ASCC3: variants seen among roughly 807,000 people sequenced by gnomAD.
ASCC3 encodes the protein ASC-1 complex subunit P200.
ASCC3 carries 158 observed loss-of-function variants against 256.3 expected under a neutral mutation model. The observed-to-expected ratio is 0.62, with a 90% confidence interval of 0.54 to 0.70. The LOEUF (loss-of-function observed/expected upper bound fraction) is 0.70, where lower values mean the gene tolerates loss of function less well. Among genes scored for constraint, ASCC3 ranks in the 30% least tolerant of loss-of-function variants. The pLI, the probability that ASCC3 is intolerant of heterozygous loss-of-function variation, is 0.00. For synonymous variants in ASCC3, 948 were observed against 883.4 expected (o/e 1.07, Z -1.30); for missense variants, 2,259 against 2,626.0 (o/e 0.86, Z 3.05).
intron 36 of ASCC3, among the ~76,000 whole-genome samples, chr6:100,575,975 CATT>C (rs973226925): frequency 1.3e-5 from 2 of 152,078 alleles, no homozygotes; most frequent in African/African-American, 4.8e-5. Context: ...GTGCCAACAT[CATT>C]AAGAGATTCT....
In ASCC3 at chr6:100,508,261, G is replaced by GAA. The variant is rs1352779237; in HGVS notation, c.*1123_*1124dup. ...ATACAAGCAATACATTCCAATTTCAGAAACACTTAAATTCTAGTATTTGTA... is the reference window on the plus strand; with the variant it reads ...ATACAAGCAATACATTCCAATTTCAGAAAAACACTTAAATTCTAGTATTTGTA... On this transcript the variant is annotated 3_prime_UTR_variant, in exon 42 of 42. Transcript: ENST00000369162. The GAA allele has an allele frequency of 6.6e-6, 1 of 152,108 alleles. No individual in the cohort carries two copies. The highest frequency in any genetic ancestry group is 1.5e-5 in the Non-Finnish European group (1 of 68,002). 9.4% of individuals were successfully genotyped at this position (152,108 alleles called of 1,614,324 possible).
chr6:100,542,556 C>T (rs1411634440), intron 36 of ASCC3, among the ~76,000 whole-genome samples: 1 of 152,024 alleles, frequency 6.6e-6, no homozygotes, highest in East Asian at 1.9e-4. Flanking sequence ...GTGGCACGCA[C>T]CTGTAGTCCC....
intron 7 of ASCC3, 143 bp downstream of exon 7, chr6:100,799,288 A>G (rs1769791827): frequency 4.5e-6 from 4 of 882,722 alleles, no homozygotes; most frequent in Non-Finnish European, 7.1e-6. Context: ...CATACACCAC[A>G]TTATGTCATT....
chr6:100,780,840 T>G (rs1415499203), intron 8 of ASCC3, among the ~76,000 whole-genome samples: 1 of 152,228 alleles, frequency 6.6e-6, no homozygotes, highest in East Asian at 1.9e-4. Context: ...GAGGTTGAAA[T>G]GTCAACCACA....
chr6:100,700,121 T>A (rs1778282007), intron 13 of ASCC3, among the ~76,000 whole-genome samples: 1 of 152,100 alleles, frequency 6.6e-6, no homozygotes, highest in African/African-American at 2.4e-5. Flanking sequence ...GAGACCTTTG[T>A]GGCAGCCCAA....
intron 34 of ASCC3, among the ~76,000 whole-genome samples, chr6:100,601,497 T>C (rs908156662): frequency 6.6e-6 from 1 of 152,100 alleles, no homozygotes; most frequent in African/African-American, 2.4e-5. Flanking sequence ...TCCAACTGCA[T>C]CTAAGTCAGT....
At chr6:100,685,403 A>G (rs754709166) in intron 13 of ASCC3, among the ~76,000 whole-genome samples, 1 of 152,122 alleles carries the variant, frequency 6.6e-6, no homozygotes, top group Non-Finnish European at 1.5e-5. Context: ...ATTAAGCCCT[A>G]AAGACCTACA....
intron 11 of ASCC3, among the ~76,000 whole-genome samples, chr6:100,724,476 C>T (rs1779527445): frequency 6.6e-6 from 1 of 151,642 alleles, no homozygotes; most frequent in Non-Finnish European, 1.5e-5. Context: ...ACAGAAGGGA[C>T]TTTGCAATCC....
In ASCC3 at chr6:100,598,816, C is replaced by A. The variant is rs565995897; in HGVS notation, c.5303+2994G>T. Among the ~76,000 whole-genome samples the A allele has an allele frequency of 3.2e-4, 48 of 152,162 alleles. 1 individual carries two copies. The South Asian group carries it at 9.6e-3, about 30-fold the overall frequency. On this transcript the variant is annotated intron_variant, in intron 34 of 41. Coordinates refer to ENST00000369162, the MANE Select transcript of ASCC3 (RefSeq NM_006828.4). ...ACTAAACCTTATCTAGTTCCCACCC[C>A]CTATATAATACATTTAATTTCTGAT...
chr6:100,671,503 G>A (rs1201951469), intron 14 of ASCC3, among the ~76,000 whole-genome samples: 1 of 152,048 alleles, frequency 6.6e-6, no homozygotes, highest in Non-Finnish European at 1.5e-5. Context: ...AAGAATACCA[G>A]CTGTGAAAAG....
intron 4 of ASCC3, among the ~76,000 whole-genome samples, chr6:100,816,667 T>C (rs1380752113): frequency 6.6e-6 from 1 of 152,056 alleles, no homozygotes; most frequent in Non-Finnish European, 1.5e-5. Flanking sequence ...AAATCAAATA[T>C]TGCATGTTCT....
intron 24 of ASCC3, among the ~76,000 whole-genome samples, chr6:100,640,638 T>C (rs116971275): frequency 0.015 from 2,346 of 152,302 alleles, 24 homozygotes; most frequent in East Asian, 0.045. Flanking sequence ...TCTGAGATTC[T>C]AAATATTACA....
Position 100,561,119 on chromosome 6 carries a change from C to T in ASCC3, c.5551-20732G>A, listed in dbSNP as rs570241981. 8.0e-4 allele frequency among the ~76,000 whole-genome samples: 119 copies of T among 148,838 alleles called. 1 individual carries two copies. The highest frequency in any genetic ancestry group is 1.5e-3 in the Non-Finnish European group (99 of 67,418). On this transcript the variant is annotated intron_variant, in intron 36 of 41. Coordinates refer to ENST00000369162, the MANE Select transcript of ASCC3 (RefSeq NM_006828.4). ...GTGGATATCTGTAGATTTTTGTCTT[C>T]TCCAAAAAGAAAAAAAAAAAAAACC...
chr6:100,625,130 A>C (rs2295604), intron 30 of ASCC3, 62 bp downstream of exon 30: 33,912 of 1,577,742 alleles, frequency 0.021, 447 homozygotes, highest in African/African-American at 0.056. Flanking sequence ...ATATGTAATG[A>C]TCATTCTAAT....
intron 11 of ASCC3, 144 bp downstream of exon 11, chr6:100,725,395 G>A: frequency 1.0e-6 from 1 of 993,318 alleles, no homozygotes; most frequent in African/African-American, 1.6e-5. Flanking sequence ...GGGACAACAG[G>A]TACATTCCCC....
intron 30 of ASCC3, among the ~76,000 whole-genome samples, chr6:100,623,900 G>A (rs1188740345): frequency 2.6e-5 from 4 of 151,794 alleles, no homozygotes; most frequent in African/African-American, 9.7e-5. Context: ...CTCACTCACA[G>A]GTGGGAATTG....
chr6:100,732,497 T>C (rs1298083929), intron 10 of ASCC3, among the ~76,000 whole-genome samples: 3 of 152,196 alleles, frequency 2.0e-5, no homozygotes, highest in Non-Finnish European at 4.4e-5. Context: ...TAGTTCCTTA[T>C]TGTTTACCCA....
intron 13 of ASCC3, among the ~76,000 whole-genome samples, chr6:100,690,442 CACT>C (rs1777791015): frequency 6.6e-6 from 1 of 152,030 alleles, no homozygotes; most frequent in African/African-American, 2.4e-5. Context: ...AAAAAATTGA[CACT>C]ACTACATTTG....
chr6:100,868,174 C>A, intron 1 of ASCC3, 136 bp from the exon 2 acceptor site: 1 of 609,374 alleles, frequency 1.6e-6, no homozygotes, highest in African/African-American at 1.9e-5. Context: ...GAAAAATTCT[C>A]CTGACATATT....
Sources: allele counts gnomAD v4.1 joint callset (sites outside exome capture counted in the v4.1 genomes callset), GRCh38; gene constraint gnomAD v4.1.1; transcripts MANE v1.5; gene names NCBI Gene and HGNC (gene_info 2026-07-23, HGNC 2026-07-21).